MAGI2: variants seen among roughly 807,000 people sequenced by gnomAD.
MAGI2 encodes the protein membrane associated guanylate kinase, WW and PDZ domain containing 2.
A neutral mutation model predicts 133.3 loss-of-function variants in MAGI2; 35 were observed. That is an observed-to-expected ratio of 0.26 (90% CI 0.20 to 0.35). MAGI2 has a LOEUF of 0.35. MAGI2 is among the 10% of genes least tolerant of loss of function. The pLI is 1.00. For missense variants in MAGI2, 1,636 were observed against 1,863.4 expected (o/e 0.88, Z 2.25); for synonymous variants, 729 against 710.6 (o/e 1.03, Z -0.41).
intron 21 of MAGI2, among the ~76,000 whole-genome samples, chr7:78,070,221 A>ACG (rs1814436956): frequency 2.5e-5 from 1 of 40,468 alleles, no homozygotes; most frequent in Non-Finnish European, 7.4e-5. Flanking sequence ...ATATATATAC[A>ACG]CACACACACA....
Position 78,356,394 on chromosome 7 carries a change from G to A in MAGI2, c.1104-10351C>T, listed in dbSNP as rs546634034. ...ACTTACAGCTAGATAGGAGGAGTAA[G>A]TTCTGGTGTTCTACACCACTGTAGT... On this transcript the variant is annotated intron_variant, in intron 7 of 21. Transcript: ENST00000354212. 1.5e-4 allele frequency among the ~76,000 whole-genome samples: 23 copies of A among 152,150 alleles called. No homozygotes were observed. The South Asian group carries it at 4.2e-3, about 27-fold the overall frequency.
chr7:78,900,314 C>T lies in MAGI2; in HGVS notation c.418+106776G>A, dbSNP rs143751412. Among the ~76,000 whole-genome samples, 1,447 of 152,232 alleles carry T rather than the reference C, an allele frequency of 9.5e-3. 24 individuals are homozygous for T. Among genetic ancestry groups the T allele is most frequent in the African/African-American group, 0.032 (1,347 of 41,540 alleles). ...CAATTTATCTTCTTATTCTTACTCT[C>T]GAAACTCTCCTTTGATGTTTTCCTA... On this transcript the variant is annotated intron_variant, in intron 2 of 21. Coordinates refer to ENST00000354212, the MANE Select transcript of MAGI2 (RefSeq NM_012301.4).
At chr7:79,096,401 G>C (rs1291592936) in intron 1 of MAGI2, among the ~76,000 whole-genome samples, 1 of 152,162 alleles carries the variant, frequency 6.6e-6, no homozygotes, top group Non-Finnish European at 1.5e-5. Context: ...CTTGTGTACA[G>C]CTTCCTTCTA....
chr7:78,646,780 C>T (rs916315579), intron 2 of MAGI2, among the ~76,000 whole-genome samples: 1 of 152,184 alleles, frequency 6.6e-6, no homozygotes, highest in South Asian at 2.1e-4. Context: ...TAAAACCATC[C>T]TTTAGCGCTG....
chr7:78,854,810 T>C (rs1414269315), intron 2 of MAGI2, among the ~76,000 whole-genome samples: 1 of 152,202 alleles, frequency 6.6e-6, no homozygotes, highest in Non-Finnish European at 1.5e-5. Context: ...CAGTAAAACA[T>C]GTTTAAGCAA....
At chr7:78,281,731 C>CATTATCCTGAGGTATTTTCCAGGTGAT (rs144043536) in intron 9 of MAGI2, among the ~76,000 whole-genome samples, 30,610 of 151,078 alleles carry the variant, frequency 0.2, 3,284 homozygotes, top group South Asian at 0.3. Flanking sequence ...GAAAGCTACA[C>CATTATCCTGAGGTATTTTCCAGGTGAT]ATTATCCTGA....
chr7:78,300,437 G>C (rs1389965345), intron 9 of MAGI2, among the ~76,000 whole-genome samples: 1 of 152,124 alleles, frequency 6.6e-6, no homozygotes, highest in African/African-American at 2.4e-5. Flanking sequence ...AAAGAAGTCT[G>C]AAAGCACCAC....
intron 10 of MAGI2, among the ~76,000 whole-genome samples, chr7:78,245,329 T>C (rs1004030448): frequency 1.4e-4 from 22 of 152,204 alleles, no homozygotes; most frequent in African/African-American, 4.8e-4. Context: ...GAAAAGGACA[T>C]GATTGGCTTT....
intron 4 of MAGI2, among the ~76,000 whole-genome samples, chr7:78,511,533 T>TTATA (rs71978982): frequency 0.14 from 18,358 of 134,144 alleles, 1,407 homozygotes; most frequent in African/African-American, 0.16. Context: ...TCACCATCTT[T>TTATA]TATATATATA....
At chr7:79,087,528 C>T (rs1426537457) in intron 1 of MAGI2, among the ~76,000 whole-genome samples, 1 of 151,692 alleles carries the variant, frequency 6.6e-6, no homozygotes, top group African/African-American at 2.4e-5. Context: ...TTAGTTGAGG[C>T]TTTTATAATG....
rs71095400 is a variant in MAGI2 at position 79,368,847 on chromosome 7, C to CAAAAA, written c.301+84168_301+84172dup. Reference sequence around the variant, plus strand: ...TGGGCGACAGAGCGAGACTCCGTCTCAAAAAAAAAAAAAAAAAAAAAAAAA... The same window carrying CAAAAA: ...TGGGCGACAGAGCGAGACTCCGTCTCAAAAAAAAAAAAAAAAAAAAAAAAAAAAAA... On this transcript the variant is annotated intron_variant, in intron 1 of 21. Transcript: ENST00000354212. Among the ~76,000 whole-genome samples the CAAAAA allele has an allele frequency of 8.9e-4, 67 of 75,346 alleles. 5 individuals carry two copies. The highest frequency in any genetic ancestry group is 8.3e-3 in the Middle Eastern group (1 of 120). The allele number at this position is 75,346 out of a possible 152,430, so 49.4% of individuals were successfully genotyped here.
chr7:78,243,102 T>C (rs77839242), intron 10 of MAGI2, among the ~76,000 whole-genome samples: 50 of 152,110 alleles, frequency 3.3e-4, no homozygotes, highest in African/African-American at 1.1e-3. Context: ...AGGTATCTTT[T>C]ATAGCATTAC....
At chr7:79,347,449 C>G (rs1841402784) in intron 1 of MAGI2, among the ~76,000 whole-genome samples, 1 of 116,668 alleles carries the variant, frequency 8.6e-6, no homozygotes, top group African/African-American at 4.5e-5. Context: ...TGGATCGTCC[C>G]TATCTTAAGC....
intron 1 of MAGI2, among the ~76,000 whole-genome samples, chr7:79,260,875 G>A (rs985741012): frequency 6.6e-6 from 1 of 152,166 alleles, no homozygotes; most frequent in Middle Eastern, 3.2e-3. Flanking sequence ...CTGGTCCCAA[G>A]CATTTCCGAT....
intron 1 of MAGI2, among the ~76,000 whole-genome samples, chr7:79,382,125 T>C (rs1192551207): frequency 6.6e-6 from 1 of 151,600 alleles, no homozygotes; most frequent in African/African-American, 2.4e-5. Context: ...TCCCCTTAAG[T>C]CTTGAATCTA....
intron 2 of MAGI2, among the ~76,000 whole-genome samples, chr7:78,855,704 G>A (rs1207824): frequency 0.16 from 24,847 of 152,118 alleles, 2,185 homozygotes; most frequent in Non-Finnish European, 0.2. Context: ...GAATAGTGCC[G>A]CAATAAACAT....
rs147118483 is a variant in MAGI2, at chr7:79,013,753, T to C, written c.302-6547A>G. ...CAGGTGGCCAGAGTACTACACAAAA[T>C]CACTGCATGCATTTGATCTAGACTA... On this transcript the variant is annotated intron_variant, in intron 1 of 21. Transcript: ENST00000354212. Among the ~76,000 whole-genome samples, 217 of 152,224 alleles carry C rather than the reference T, an allele frequency of 1.4e-3. 1 individual carries two copies. Among genetic ancestry groups the C allele is most frequent in the African/African-American group, 4.9e-3 (202 of 41,550 alleles).
intron 10 of MAGI2, among the ~76,000 whole-genome samples, chr7:78,228,327 G>C (rs1285842649): frequency 6.6e-6 from 1 of 152,160 alleles, no homozygotes; most frequent in Non-Finnish European, 1.5e-5. Flanking sequence ...AGGGTTACGA[G>C]TTTATAGAAA....
chr7:78,325,340 C>T (rs142019267), intron 9 of MAGI2, among the ~76,000 whole-genome samples: 51 of 152,278 alleles, frequency 3.3e-4, no homozygotes, highest in Middle Eastern at 3.4e-3. Flanking sequence ...GATGCTGAAT[C>T]TTCCAGACAA....
Sources: allele counts gnomAD v4.1 joint callset (sites outside exome capture counted in the v4.1 genomes callset), GRCh38; gene constraint gnomAD v4.1.1; transcripts MANE v1.5; gene names NCBI Gene and HGNC (gene_info 2026-07-23, HGNC 2026-07-21).